Variants in LARGE1 observed in about 807,000 individuals in gnomAD.
LARGE1 encodes the protein LARGE xylosyl- and glucuronyltransferase 1.
Under a neutral mutation model 87.6 loss-of-function variants are expected in LARGE1, and 43 were observed. The ratio of observed to expected loss-of-function variants is 0.49; its 90% CI spans 0.38 to 0.63. The LOEUF is 0.63. Ranked by LOEUF, LARGE1 falls within the 30% of genes least tolerant of loss-of-function variation. The pLI, the probability that LARGE1 is intolerant of heterozygous loss-of-function variation, is 0.00. For synonymous variants in LARGE1, 434 were observed against 394.6 expected, an observed-to-expected ratio of 1.10 and a Z score of -1.18; for missense variants, 802 against 1,000.2, an observed-to-expected ratio of 0.80 and a Z score of 2.67.
At chr22:33,633,505 T>C (rs2080172879) in intron 3 of LARGE1, among the ~76,000 whole-genome samples, 1 of 152,158 alleles carries the variant, frequency 6.6e-6, no homozygotes, top group Admixed American at 6.5e-5. Flanking sequence ...AAAAAAATCA[T>C]TGTCCCAAAA....
At chr22:33,165,969 T>C (rs1922246214) in exon 12 of LARGE1, 1 of 152,164 alleles carries the variant, frequency 6.6e-6, no homozygotes, top group Admixed American at 6.5e-5. Flanking sequence ...GAGAGATTAT[T>C]ATTCAGTGTG....
intron 1 of LARGE1, among the ~76,000 whole-genome samples, chr22:33,863,594 C>CA (rs530225749): frequency 0.03 from 3,699 of 122,036 alleles, 80 homozygotes; most frequent in African/African-American, 0.069. Flanking sequence ...CCGTCTCTAC[C>CA]AAAAAAAAAA....
chr22:33,528,731 A>G (rs1004215667), intron 6 of LARGE1, among the ~76,000 whole-genome samples: 1 of 152,054 alleles, frequency 6.6e-6, no homozygotes, highest in African/African-American at 2.4e-5. Flanking sequence ...TTAGCGAGGG[A>G]GGGGGCATAA....
rs149292168 is a variant in LARGE1 at position 33,203,673 on chromosome 22, C to T, written c.1731-36841G>A. On this transcript the variant is annotated intron_variant, in intron 11 of 11. Coordinates refer to the LARGE1 transcript ENST00000608642. Reference sequence around the variant, plus strand: ...TAGGGAAAAACCCACGAGGAACTGCCCTGGATTTCCCCAGCAACTCAAGCA... The same window carrying T: ...TAGGGAAAAACCCACGAGGAACTGCTCTGGATTTCCCCAGCAACTCAAGCA... 5.9e-5 allele frequency among the ~76,000 whole-genome samples: 9 copies of T among 152,180 alleles called. No individual in the cohort carries two copies. The East Asian group carries it at 1.4e-3, about 23-fold the overall frequency.
chr22:33,787,997 A>AGTAAAGT (rs2085705230), intron 1 of LARGE1, among the ~76,000 whole-genome samples: 1 of 152,150 alleles, frequency 6.6e-6, no homozygotes, highest in Admixed American at 6.5e-5. Context: ...AGTTCATGAA[A>AGTAAAGT]CCCTGCCCAG....
intron 1 of LARGE1, among the ~76,000 whole-genome samples, chr22:33,874,580 T>C (rs11705063): frequency 0.1 from 15,159 of 152,308 alleles, 967 homozygotes; most frequent in Non-Finnish European, 0.14. Context: ...GGGTATCTTT[T>C]TTGAAATATA....
intron 5 of LARGE1, among the ~76,000 whole-genome samples, chr22:33,588,510 CGTGT>C (rs10528247): frequency 0.45 from 68,310 of 150,572 alleles, 15,508 homozygotes; most frequent in Middle Eastern, 0.53. Flanking sequence ...TATATGTGTG[CGTGT>C]GTGTGTGTGT....
At chr22:33,315,818 C>T (rs754135409) in intron 11 of LARGE1, among the ~76,000 whole-genome samples, 8 of 151,992 alleles carry the variant, frequency 5.3e-5, no homozygotes, top group Non-Finnish European at 7.4e-5. Context: ...TTAGTAGAGA[C>T]GGGGTTTCAC....
chr22:33,375,954 C>A (rs760264074), intron 9 of LARGE1, among the ~76,000 whole-genome samples: 2 of 152,136 alleles, frequency 1.3e-5, no homozygotes, highest in African/African-American at 4.8e-5. Context: ...GGTCAAATCA[C>A]TATTCTTGCA....
chr22:33,701,845 A>G (rs2082412444), intron 2 of LARGE1, among the ~76,000 whole-genome samples: 1 of 152,218 alleles, frequency 6.6e-6, no homozygotes, highest in Non-Finnish European at 1.5e-5. Flanking sequence ...TCCTTGCTGC[A>G]AGTGGAATCC....
intron 6 of LARGE1, among the ~76,000 whole-genome samples, chr22:33,563,930 C>G (rs2077941926): frequency 6.6e-6 from 1 of 152,170 alleles, no homozygotes; most frequent in Admixed American, 6.5e-5. Context: ...AATTTACTCT[C>G]TGTTCATGAA....
chr22:33,462,246 T>G (rs1161780792), intron 6 of LARGE1, among the ~76,000 whole-genome samples: 1 of 152,128 alleles, frequency 6.6e-6, no homozygotes, highest in African/African-American at 2.4e-5. Flanking sequence ...ACCTTCAGTG[T>G]GCTGAGAGAA....
rs569754397 is a variant in LARGE1 at position 33,842,657 on chromosome 22, T to A, written c.-83+77338A>T. Among the ~76,000 whole-genome samples the A allele has an allele frequency of 6.6e-5, 10 of 152,284 alleles. No homozygotes were observed. In the South Asian group the frequency reaches 1.5e-3, roughly 22 times the overall value. ...AGATGTGAGCCAAATAAGGAAACATTCAGCCCAGCACTGCCCAACAGTCAT... is the reference window on the plus strand; with the variant it reads ...AGATGTGAGCCAAATAAGGAAACATACAGCCCAGCACTGCCCAACAGTCAT... On this transcript the variant is annotated intron_variant, in intron 1 of 14. Coordinates refer to ENST00000397394, the MANE Select transcript of LARGE1 (RefSeq NM_133642.5).
chr22:33,771,310 G>A (rs1429597131), intron 1 of LARGE1, among the ~76,000 whole-genome samples: 4 of 151,796 alleles, frequency 2.6e-5, no homozygotes, highest in East Asian at 3.9e-4. Flanking sequence ...AAAATCCAAC[G>A]CTTCAGATGA....
intron 10 of LARGE1, among the ~76,000 whole-genome samples, chr22:33,319,369 G>C (rs1429294388): frequency 1.3e-5 from 2 of 152,124 alleles, no homozygotes; most frequent in African/African-American, 2.4e-5. Flanking sequence ...AGTCATGCAA[G>C]CCAGCCTGGC....
chr22:33,847,320 T>C (rs1161678030), intron 1 of LARGE1, among the ~76,000 whole-genome samples: 2 of 152,204 alleles, frequency 1.3e-5, no homozygotes, highest in African/African-American at 2.4e-5. Flanking sequence ...GACTGATTAT[T>C]TTACAGTGTC....
At chr22:33,382,525 CT>C (rs2065192713) in intron 8 of LARGE1, among the ~76,000 whole-genome samples, 1 of 152,152 alleles carries the variant, frequency 6.6e-6, no homozygotes, top group Non-Finnish European at 1.5e-5. Context: ...CTGCGGTGGA[CT>C]CAGTGATGGA....
intron 1 of LARGE1, among the ~76,000 whole-genome samples, chr22:33,806,568 C>G (rs2086316096): frequency 6.6e-6 from 1 of 152,188 alleles, no homozygotes; most frequent in Non-Finnish European, 1.5e-5. Flanking sequence ...ATCTCCTCAA[C>G]TATAAGCTCC....
intron 11 of LARGE1, among the ~76,000 whole-genome samples, chr22:33,305,838 C>CTTTTTTTTTTT (rs200366425): frequency 1.6e-5 from 2 of 126,488 alleles, no homozygotes; most frequent in African/African-American, 6.5e-5. Context: ...ATTTCTTTTT[C>CTTTTTTTTTTT]TTTTTCTTTT....
Sources: gnomAD v4.1 joint callset for allele counts (sites outside exome capture counted in the v4.1 genomes callset) on GRCh38, gnomAD v4.1.1 for gene constraint, MANE v1.5 for transcripts, NCBI Gene and HGNC (gene_info 2026-07-23, HGNC 2026-07-21) for gene names.